The following FBN2 variants were observed in gnomAD, a reference collection of about 807,000 sequenced individuals.
The protein encoded by FBN2 is fibrillin 2.
A neutral mutation model predicts 355.6 loss-of-function variants in FBN2; 105 were observed. That is an observed-to-expected ratio of 0.30 (90% CI 0.25 to 0.35). The LOEUF (loss-of-function observed/expected upper bound fraction) is 0.35. FBN2 is among the 10% of genes least tolerant of loss of function. The pLI, the probability that FBN2 is intolerant of heterozygous loss-of-function variation, is 1.00. For synonymous variants in FBN2, 1,350 were observed against 1,301.2 expected (o/e 1.04, Z -0.81); for missense variants, 3,280 against 3,758.7 (o/e 0.87, Z 3.33).
At chr5:128,488,320 G>T (rs1203895871) in intron 5 of FBN2, among the ~76,000 whole-genome samples, 1 of 152,048 alleles carries the variant, frequency 6.6e-6, no homozygotes, top group Non-Finnish European at 1.5e-5. Flanking sequence ...CCACCCTTTT[G>T]CCAGTGACTA....
chr5:128,387,204 C>G (rs990126504), intron 11 of FBN2, among the ~76,000 whole-genome samples: 6 of 152,006 alleles, frequency 3.9e-5, no homozygotes, highest in African/African-American at 1.4e-4. Context: ...ATGATTTCTT[C>G]TAAGTTTTCT....
At chr5:128,354,125 C>T (rs1455095369) in intron 20 of FBN2, among the ~76,000 whole-genome samples, 1 of 152,084 alleles carries the variant, frequency 6.6e-6, no homozygotes, top group Non-Finnish European at 1.5e-5. Context: ...GGGTAATTAG[C>T]TTGAGGGGAG....
At position 128,508,508 on chromosome 5, in the gene FBN2, G is replaced by A. The variant is rs560693139; in HGVS notation, c.628+10765C>T. Among the ~76,000 whole-genome samples, 12 of 151,938 alleles carry A rather than the reference G, an allele frequency of 7.9e-5. No homozygotes were observed. The South Asian group carries it at 2.1e-3, about 26-fold the overall frequency. Reference sequence around the variant, plus strand: ...ACATAATTCTTGACATATAGTATAGGCACATCCCAGCCTCTGTGTATTGTT... The same window carrying A: ...ACATAATTCTTGACATATAGTATAGACACATCCCAGCCTCTGTGTATTGTT... On this transcript the variant is annotated intron_variant, in intron 5 of 64. Transcript: ENST00000262464.
intron 5 of FBN2, among the ~76,000 whole-genome samples, chr5:128,482,268 C>T (rs966675039): frequency 6.6e-6 from 1 of 151,854 alleles, no homozygotes; most frequent in African/African-American, 2.4e-5. Flanking sequence ...GAAACTGATG[C>T]AAAGACACAC....
In FBN2 at chr5:128,345,413, C is replaced by A. The variant is rs753760095; in HGVS notation, c.3161G>T (p.Arg1054Leu). The change falls in exon 24 of 65, where the codon CGC (arginine) becomes CTC (leucine). Residue 1054 changes from arginine (R) to leucine (L), a missense_variant. Around this residue, in one of 6 missense-constraint regions of FBN2, gnomAD observed 2,284 missense variants for 2,749.5 expected, o/e 0.83. Transcript: ENST00000262464. ...GTKEYETLCP[R>L]GAGFANRGDV... ...CCCTCGGTTAGCAAAGCCAGCCCCGCGGGGGCACAGCGTCTCGTATTCCTT... is the reference window on the plus strand; with the variant it reads ...CCCTCGGTTAGCAAAGCCAGCCCCGAGGGGGCACAGCGTCTCGTATTCCTT... 1 of 1,614,152 alleles carries A rather than the reference C, an allele frequency of 6.2e-7. No individual in the cohort carries two copies. The highest frequency in any genetic ancestry group is 1.1e-5 in the South Asian group (1 of 91,080).
At chr5:128,349,666 C>A (rs1277518364) in intron 22 of FBN2, among the ~76,000 whole-genome samples, 194 bp from the exon 23 acceptor site, 1 of 152,222 alleles carries the variant, frequency 6.6e-6, no homozygotes, top group African/African-American at 2.4e-5. Flanking sequence ...CACAGCCTTG[C>A]CTGTCCATAA....
chr5:128,469,588 T>G (rs922678112), intron 5 of FBN2, among the ~76,000 whole-genome samples: 9 of 151,640 alleles, frequency 5.9e-5, no homozygotes, highest in Admixed American at 2.6e-4. Flanking sequence ...ATGACAAGCT[T>G]ATATTTGTAT....
At chr5:128,408,515 C>T (rs143110498) in intron 8 of FBN2, among the ~76,000 whole-genome samples, 159 bp downstream of exon 8, 1 of 152,106 alleles carries the variant, frequency 6.6e-6, no homozygotes, top group African/African-American at 2.4e-5. Flanking sequence ...GCAAAGAGTA[C>T]CTGGTCTATC....
In FBN2 at chr5:128,259,417, G is replaced by T. The variant is rs779527082; in HGVS notation, c.*38C>A. 6.2e-7 allele frequency: 1 copy of T among 1,611,214 alleles called. No homozygotes were observed. Among genetic ancestry groups the T allele is most frequent in the South Asian group, 1.1e-5 (1 of 90,976 alleles). Reference sequence around the variant, plus strand: ...TTTCAAATGCTTCTGCAGACTGGCTGTGCTAGGATTTGAGCCTGGGCCCAA... The same window carrying T: ...TTTCAAATGCTTCTGCAGACTGGCTTTGCTAGGATTTGAGCCTGGGCCCAA... On this transcript the variant is annotated 3_prime_UTR_variant, in exon 65 of 65. Transcript: ENST00000262464.
intron 36 of FBN2, among the ~76,000 whole-genome samples, chr5:128,315,785 C>T (rs548381121): frequency 6.6e-6 from 1 of 152,246 alleles, no homozygotes; most frequent in Non-Finnish European, 1.5e-5. Flanking sequence ...CCAAATATTG[C>T]GGGTTGAAGT....
intron 32 of FBN2, among the ~76,000 whole-genome samples, chr5:128,331,413 A>C (rs1750688535): frequency 6.6e-6 from 1 of 152,208 alleles, no homozygotes; most frequent in Non-Finnish European, 1.5e-5. Flanking sequence ...TGTGACTGAA[A>C]AAATGAAAGG....
At chr5:128,308,351 G>T (rs576839795) in intron 41 of FBN2, among the ~76,000 whole-genome samples, 1 of 152,222 alleles carries the variant, frequency 6.6e-6, no homozygotes, top group Non-Finnish European at 1.5e-5. Flanking sequence ...CATAATAATG[G>T]CAAGATAAGG....
rs889465317 is a variant in FBN2 at position 128,332,987 on chromosome 5, A to G, written c.4147T>C (p.Ser1383Pro). ...IGAHNCDMHA[S>P]CLNIPGSFKC... Reference sequence around the variant, plus strand: ...AAGCTTCCTGGGATATTCAGACATGAGGCATGCATGTCGCAGTTATGAGCA... The same window carrying G: ...AAGCTTCCTGGGATATTCAGACATGGGGCATGCATGTCGCAGTTATGAGCA... The change falls in exon 32 of 65, where the codon TCA (serine) becomes CCA (proline). Residue 1383 changes from serine to proline, a missense_variant. By Grantham distance (74) the Ser-to-Pro change is moderately conservative (BLOSUM62 -1). Around this residue, in one of 6 missense-constraint regions of FBN2, gnomAD observed 2,284 missense variants for 2,749.5 expected, o/e 0.83. Transcript: ENST00000262464. The G allele has an allele frequency of 1.2e-6, 2 of 1,610,012 alleles. No homozygotes were observed. Among genetic ancestry groups the G allele is most frequent in the Admixed American group, 3.3e-5 (2 of 60,014 alleles).
At chr5:128,318,459 G>T (rs1428921139) in intron 35 of FBN2, among the ~76,000 whole-genome samples, 188 bp from the exon 36 acceptor site, 1 of 152,070 alleles carries the variant, frequency 6.6e-6, no homozygotes, top group African/African-American at 2.4e-5. Flanking sequence ...ATCAAGGACA[G>T]AGTATTTATG....
chr5:128,272,080 C>G lies in FBN2; in HGVS notation c.7879G>C (p.Gly2627Arg). Residue 2627 changes from glycine to arginine, a missense_variant, in exon 62 of 65, where the codon GGC becomes CGC. Physicochemically the swap from Gly to Arg is moderately radical, Grantham distance 125. This residue lies in a region of FBN2 where 2,284 missense variants were observed against 2,749.5 expected (regional missense o/e 0.83). Transcript: ENST00000262464. ...ECDGNHRCQHGCQNILGGYRC... is the reference protein window; with the variant it reads ...ECDGNHRCQHRCQNILGGYRC... ...TAGCCACCCAGGATGTTCTGGCAGC[C>G]GTGTTGGCACCTGTGGTTCCCATCA... 1 of 1,613,994 alleles carries G rather than the reference C, an allele frequency of 6.2e-7. No homozygotes were observed. The highest frequency in any genetic ancestry group is 8.5e-7 in the Non-Finnish European group (1 of 1,179,948).
At chr5:128,265,477 T>A (rs1489702523) in intron 62 of FBN2, among the ~76,000 whole-genome samples, 1 of 152,204 alleles carries the variant, frequency 6.6e-6, no homozygotes, top group African/African-American at 2.4e-5. Context: ...TAAATAAATA[T>A]GTTCCTGTCT....
At chr5:128,270,542 A>G (rs1190825915) in intron 62 of FBN2, among the ~76,000 whole-genome samples, 1 of 152,172 alleles carries the variant, frequency 6.6e-6, no homozygotes, top group Non-Finnish European at 1.5e-5. Context: ...AAAATAAAAA[A>G]TCCCTGAAGA....
chr5:128,417,681 G>C (rs1470185515), intron 7 of FBN2, among the ~76,000 whole-genome samples: 1 of 152,124 alleles, frequency 6.6e-6, no homozygotes, highest in African/African-American at 2.4e-5. Context: ...AACTATCCTT[G>C]TATCTCTGGG....
chr5:128,368,814 G>A (rs112079839), intron 16 of FBN2, among the ~76,000 whole-genome samples: 119 of 151,656 alleles, frequency 7.8e-4, no homozygotes, highest in Middle Eastern at 6.8e-3. Context: ...GGGACTACAG[G>A]TGTGTGCCAC....
Sources: gnomAD v4.1 joint callset for allele counts (sites outside exome capture counted in the v4.1 genomes callset) on GRCh38, gnomAD v4.1.1 for gene constraint, gnomAD v4.1.1 regional missense constraint, MANE v1.5 for transcripts, NCBI Gene and HGNC (gene_info 2026-07-23, HGNC 2026-07-21) for gene names.